The following RAPSN variants were observed in gnomAD, a reference collection of about 807,000 sequenced individuals.
RAPSN encodes 43 kDa receptor-associated protein of the synapse.
RAPSN carries 33 observed loss-of-function variants against 45.7 expected under a neutral mutation model. The ratio of observed to expected loss-of-function variants is 0.72; its 90% CI spans 0.55 to 0.97. The LOEUF (loss-of-function observed/expected upper bound fraction) is 0.97, where lower values mean the gene tolerates loss of function less well. Ranked by LOEUF, RAPSN falls within the 50% of genes least tolerant of loss-of-function variation. The probability of loss-of-function intolerance (pLI) is 0.00; values close to 1 mark genes in which losing one functional copy is unlikely to be tolerated. For missense variants in RAPSN, 519 were observed against 559.4 expected (o/e 0.93, Z 0.73); for synonymous variants, 244 against 233.6 (o/e 1.04, Z -0.40).
At chr11:47,439,611 G>T (rs1365258024) in intron 6 of RAPSN, among the ~76,000 whole-genome samples, 1 of 151,922 alleles carries the variant, frequency 6.6e-6, no homozygotes, top group Non-Finnish European at 1.5e-5. Flanking sequence ...TGGCATTTTG[G>T]TTGGACTGTG....
chr11:47,438,861 C>A lies in RAPSN; in HGVS notation c.1037G>T (p.Arg346Leu). The A allele has an allele frequency of 6.4e-7, 1 of 1,567,906 alleles. No homozygotes were observed. The stretch of plus-strand genomic sequence containing the variant: ...CTCGTGGAACCTCACAACGTGCGCC[C>A]GCAGTTCCCGCTGCAGCCCTTTGCT... The part of the protein sequence containing the change: ...YRSKGLQREL[R>L]AHVVRFHECV... Residue 346 changes from arginine (R) to leucine (L), a missense_variant, in exon 7 of 8, where the codon CGG (arginine) becomes CTG (leucine). Arg to Leu is a moderately radical substitution (Grantham distance 102, BLOSUM62 -2). Coordinates refer to ENST00000298854, the MANE Select transcript of RAPSN (RefSeq NM_005055.5).
intron 7 of RAPSN, 88 bp downstream of exon 7, chr11:47,438,644 G>A (rs2076334022): frequency 6.8e-7 from 1 of 1,463,220 alleles, no homozygotes; most frequent in Non-Finnish European, 9.4e-7. Context: ...TTTGCTATTA[G>A]TATTATTGCT....
chr11:47,446,131 C>T lies in RAPSN; in HGVS notation c.531+1681G>A, dbSNP rs138786073. ...TTGGTGCAGATGGGGTCTTGCTATG[C>T]GACTCAAGCTGCTCTCAAACTCCTG... On this transcript the variant is annotated intron_variant, in intron 2 of 7. Coordinates refer to ENST00000298854, the MANE Select transcript of RAPSN (RefSeq NM_005055.5). Among the ~76,000 whole-genome samples the T allele has an allele frequency of 9.5e-4, 143 of 151,282 alleles. 3 individuals are homozygous for T. Among genetic ancestry groups the T allele is most frequent in the Non-Finnish European group, 1.1e-3 (76 of 67,858 alleles).
At chr11:47,445,304 T>C (rs1212143055) in intron 2 of RAPSN, among the ~76,000 whole-genome samples, 1 of 150,468 alleles carries the variant, frequency 6.6e-6, no homozygotes, top group Non-Finnish European at 1.5e-5. Flanking sequence ...TGGGATACAT[T>C]ACAAAAACAA....
intron 2 of RAPSN, among the ~76,000 whole-genome samples, chr11:47,444,607 C>T (rs1271978965): frequency 6.6e-6 from 1 of 151,452 alleles, no homozygotes; most frequent in African/African-American, 2.4e-5. Flanking sequence ...ACCTGTAATC[C>T]CAGCACTTTG....
intron 1 of RAPSN, 151 bp downstream of exon 1, chr11:47,448,622 A>T: frequency 1.1e-6 from 1 of 951,282 alleles, no homozygotes; most frequent in Non-Finnish European, 1.6e-6. Flanking sequence ...TCTAAGACCC[A>T]GGGCCTTAGA....
Position 47,445,067 on chromosome 11 carries a change from CACACACAA to C in RAPSN, c.532-2261_532-2254del, listed in dbSNP as rs1360585025. 4.0e-5 allele frequency among the ~76,000 whole-genome samples: 6 copies of C among 149,970 alleles called. No homozygotes were observed. In the East Asian group the frequency reaches 6.0e-4, roughly 15 times the overall value. On this transcript the variant is annotated intron_variant, in intron 2 of 7. Coordinates refer to ENST00000298854, the MANE Select transcript of RAPSN (RefSeq NM_005055.5). ...TGAAACCCCGTCTCTACTAGAAATA[CACACACAA>C]AAAAAATTAGCGGGGCGTGGTGGCA...
At chr11:47,446,254 G>T (rs894478210) in intron 2 of RAPSN, among the ~76,000 whole-genome samples, 3 of 151,658 alleles carry the variant, frequency 2.0e-5, no homozygotes, top group Admixed American at 2.0e-4. Flanking sequence ...TGTAGACGCT[G>T]GTCTGGAACT....
chr11:47,440,223 C>A (rs901643351), intron 6 of RAPSN, among the ~76,000 whole-genome samples: 34 of 152,056 alleles, frequency 2.2e-4, no homozygotes, highest in African/African-American at 8.2e-4. Flanking sequence ...AGGACTGGAC[C>A]CAGTACCCAT....
chr11:47,440,868 C>G (rs1403966203), intron 6 of RAPSN, among the ~76,000 whole-genome samples: 3 of 152,120 alleles, frequency 2.0e-5, no homozygotes, highest in African/African-American at 4.8e-5. Flanking sequence ...TCCCAAAATT[C>G]TAGGATTATA....
intron 5 of RAPSN, 189 bp downstream of exon 5, chr11:47,441,422 A>T: frequency 8.0e-7 from 1 of 1,249,124 alleles, no homozygotes. Flanking sequence ...CCAGCCCTTT[A>T]CTAGCTGTGG....
rs185204384 is a variant in RAPSN at position 47,441,227 on chromosome 11, T to C, written c.913-15A>G. 598 of 1,613,374 alleles carry C rather than the reference T, an allele frequency of 3.7e-4. 1 individual carries two copies. In the African/African-American group the frequency reaches 6.6e-3, roughly 18 times the overall value. On this transcript the variant is annotated splice_polypyrimidine_tract_variant and intron_variant, in intron 5 of 7. Transcript: ENST00000298854. ...GCATCCAGAGCCTGGAAGGTGAGCA[T>C]AGGCCAGGGCTGCGGGCAGAGCTGT...
intron 2 of RAPSN, among the ~76,000 whole-genome samples, chr11:47,444,029 G>C (rs1057336381): frequency 1.3e-5 from 2 of 148,902 alleles, no homozygotes; most frequent in Admixed American, 6.7e-5. Flanking sequence ...TTTCCCTTCA[G>C]CTAAAGCCCC....
chr11:47,444,097 G>T (rs999265320), intron 2 of RAPSN, among the ~76,000 whole-genome samples: 4 of 151,846 alleles, frequency 2.6e-5, no homozygotes, highest in Admixed American at 6.6e-5. Flanking sequence ...TATTTAACAA[G>T]CAGCTCCAAG....
chr11:47,444,178 A>C (rs79030509), intron 2 of RAPSN, among the ~76,000 whole-genome samples: 192 of 152,194 alleles, frequency 1.3e-3, no homozygotes, highest in Non-Finnish European at 2.3e-3. Context: ...CTTATTACAT[A>C]CTTTTGAAGC....
chr11:47,438,136 G>C, intron 7 of RAPSN, 89 bp from the exon 8 acceptor site: 2 of 1,417,440 alleles, frequency 1.4e-6, no homozygotes, highest in Non-Finnish European at 1.9e-6. Flanking sequence ...CTCTGCAGGG[G>C]CTGGGATGCA....
In RAPSN at chr11:47,442,810, T is replaced by C; in HGVS notation, c.536A>G (p.Tyr179Cys). Residue 179 changes from tyrosine (Y) to cysteine (C), a missense_variant, in exon 3 of 8, where the codon TAC becomes TGC. Physicochemically the swap from Tyr to Cys is radical, Grantham distance 194. Coordinates refer to ENST00000298854, the MANE Select transcript of RAPSN (RefSeq NM_005055.5). Reference sequence around the variant, plus strand: ...GCAGGGGAAGAACAGGGCTTTCTCGTAGTCCTGCAGGGGACATGGAATGGA... The same window carrying C: ...GCAGGGGAAGAACAGGGCTTTCTCGCAGTCCTGCAGGGGACATGGAATGGA... ...LGSFYAQVKD[Y>C]EKALFFPCKA... The C allele has an allele frequency of 6.2e-7, 1 of 1,614,102 alleles. No individual in the cohort carries two copies. The highest frequency in any genetic ancestry group is 8.5e-7 in the Non-Finnish European group (1 of 1,180,038).
intron 2 of RAPSN, among the ~76,000 whole-genome samples, chr11:47,443,481 C>A (rs555412239): frequency 6.6e-6 from 1 of 152,190 alleles, no homozygotes; most frequent in East Asian, 1.9e-4. Context: ...TCTGCTCCCA[C>A]GCTCCCTGCC....
chr11:47,446,117 G>A (rs2076404347), intron 2 of RAPSN, among the ~76,000 whole-genome samples: 1 of 151,688 alleles, frequency 6.6e-6, no homozygotes, highest in African/African-American at 2.4e-5. Flanking sequence ...TGGTGCAGAT[G>A]GGGTCTTGCT....
Sources: gnomAD v4.1 joint callset for allele counts (sites outside exome capture counted in the v4.1 genomes callset) on GRCh38, gnomAD v4.1.1 for gene constraint, MANE v1.5 for transcripts, NCBI Gene and HGNC (gene_info 2026-07-23, HGNC 2026-07-21) for gene names.